Variants in AKAP13 observed in about 807,000 individuals in gnomAD.
The protein encoded by AKAP13 is A-kinase anchoring protein 13.
AKAP13 carries 80 observed loss-of-function variants against 264.5 expected under a neutral mutation model. The observed-to-expected ratio is 0.30, with a 90% CI of 0.25 to 0.36. AKAP13 has a LOEUF of 0.36. Ranked by LOEUF, AKAP13 falls within the 10% of genes least tolerant of loss-of-function variation. The pLI is 1.00. For synonymous variants in AKAP13, 1,380 were observed against 1,250.2 expected (o/e 1.10, Z -2.19); for missense variants, 3,712 against 3,435.2 (o/e 1.08, Z -2.01).
intron 17 of AKAP13, among the ~76,000 whole-genome samples, chr15:85,699,725 T>C (rs2085800280): frequency 6.6e-6 from 1 of 152,234 alleles, no homozygotes; most frequent in South Asian, 2.1e-4. Context: ...GATTTGAGAA[T>C]TTAATGGACA....
chr15:85,715,526 A>G (rs2086880929), intron 19 of AKAP13, among the ~76,000 whole-genome samples: 1 of 152,062 alleles, frequency 6.6e-6, no homozygotes, highest in African/African-American at 2.4e-5. Flanking sequence ...TGGAGTTTTT[A>G]TACAAACTTA....
intron 3 of AKAP13, among the ~76,000 whole-genome samples, chr15:85,531,818 A>T (rs1682601044): frequency 6.6e-6 from 1 of 152,168 alleles, no homozygotes; most frequent in Admixed American, 6.5e-5. Flanking sequence ...ATGGTTCATG[A>T]ACCAATTATT....
At chr15:85,491,525 A>ATATATTT (rs2075727272) in intron 2 of AKAP13, among the ~76,000 whole-genome samples, 1 of 146,494 alleles carries the variant, frequency 6.8e-6, no homozygotes, top group African/African-American at 2.5e-5. Flanking sequence ...TATATATATT[A>ATATATTT]TATATTTTAT....
chr15:85,433,898 G>A (rs1003259653), intron 1 of AKAP13, among the ~76,000 whole-genome samples: 14 of 151,728 alleles, frequency 9.2e-5, no homozygotes, highest in Admixed American at 3.9e-4. Flanking sequence ...CCGAGATTGT[G>A]CCATTGCACT....
rs539192886 is a variant in AKAP13 at position 85,420,240 on chromosome 15, CT to C, written c.-12+39453del. On this transcript the variant is annotated intron_variant, in intron 1 of 36. Coordinates refer to ENST00000394518, the MANE Select transcript of AKAP13 (RefSeq NM_007200.5). ...ACAGGCGTGAGCCACCGCGCCCGGCCTTTTTTTTTTTAATCTGACTCTTTTA... is the reference window on the plus strand; with the variant it reads ...ACAGGCGTGAGCCACCGCGCCCGGCCTTTTTTTTTTAATCTGACTCTTTTA... Among the ~76,000 whole-genome samples, 1,159 of 146,180 alleles carry C rather than the reference CT, an allele frequency of 7.9e-3. 7 individuals carry two copies. Among genetic ancestry groups the C allele is most frequent in the Non-Finnish European group, 0.013 (862 of 65,930 alleles).
intron 2 of AKAP13, among the ~76,000 whole-genome samples, chr15:85,500,941 C>T (rs2151091447): frequency 2.0e-5 from 3 of 152,218 alleles, no homozygotes; most frequent in Middle Eastern, 6.8e-3. Flanking sequence ...TTTGTTTTGT[C>T]CACAGAAGGA....
chr15:85,421,041 A>G lies in AKAP13; in HGVS notation c.-12+40243A>G, dbSNP rs368863900. On this transcript the variant is annotated intron_variant, in intron 1 of 36. Transcript: ENST00000394518. Reference sequence around the variant, plus strand: ...CCAATATATAGACTTTTATTAAACAAAGGTATAGATGGATGATGACTTAGA... The same window carrying G: ...CCAATATATAGACTTTTATTAAACAGAGGTATAGATGGATGATGACTTAGA... Among the ~76,000 whole-genome samples, 23 of 152,338 alleles carry G rather than the reference A, an allele frequency of 1.5e-4. No individual in the cohort carries two copies. In the East Asian group the frequency reaches 3.7e-3, roughly 24 times the overall value.
chr15:85,551,525 A>G (rs180874680), intron 5 of AKAP13, among the ~76,000 whole-genome samples: 3 of 152,356 alleles, frequency 2.0e-5, no homozygotes, highest in Non-Finnish European at 4.4e-5. Context: ...CTTTCTAAGA[A>G]GATGGGTAGG....
chr15:85,734,069 G>A (rs1326428841), intron 30 of AKAP13, among the ~76,000 whole-genome samples: 1 of 151,900 alleles, frequency 6.6e-6, no homozygotes, highest in African/African-American at 2.4e-5. Context: ...CTGACCTCAG[G>A]TGATCTGCCC....
At chr15:85,428,873 A>C (rs2072910641) in intron 1 of AKAP13, among the ~76,000 whole-genome samples, 1 of 152,220 alleles carries the variant, frequency 6.6e-6, no homozygotes, top group Non-Finnish European at 1.5e-5. Flanking sequence ...TTACCTTCTG[A>C]GTTTCCACCT....
chr15:85,633,134 G>A (rs2081920202), intron 8 of AKAP13, among the ~76,000 whole-genome samples: 1 of 152,128 alleles, frequency 6.6e-6, no homozygotes, highest in African/African-American at 2.4e-5. Context: ...CCAAAGTGCT[G>A]GGATTACAGG....
intron 14 of AKAP13, among the ~76,000 whole-genome samples, chr15:85,678,829 A>G (rs140197259): frequency 1.3e-5 from 2 of 152,126 alleles, no homozygotes; most frequent in Non-Finnish European, 2.9e-5. Context: ...AGATCATGCC[A>G]CTACACTCTA....
intron 1 of AKAP13, among the ~76,000 whole-genome samples, chr15:85,416,102 G>A (rs2072232869): frequency 6.6e-6 from 1 of 152,154 alleles, no homozygotes; most frequent in Non-Finnish European, 1.5e-5. Context: ...AAGGAGGGAA[G>A]GACATTCTAA....
At chr15:85,700,047 A>G (rs2085820093) in intron 17 of AKAP13, among the ~76,000 whole-genome samples, 1 of 152,226 alleles carries the variant, frequency 6.6e-6, no homozygotes. Context: ...TTCAGGCTAA[A>G]AGAAGTTGTC....
intron 16 of AKAP13, among the ~76,000 whole-genome samples, chr15:85,688,044 AAAAAAG>A (rs1187645448): frequency 5.3e-5 from 8 of 152,046 alleles, no homozygotes; most frequent in South Asian, 2.1e-4. Context: ...AAAAAAAAAA[AAAAAAG>A]AGAGAGAGAG....
At chr15:85,731,760 G>A (rs1366034311) in intron 30 of AKAP13, among the ~76,000 whole-genome samples, 1 of 152,024 alleles carries the variant, frequency 6.6e-6, no homozygotes, top group Non-Finnish European at 1.5e-5. Context: ...GTGACCCATA[G>A]TTTTTATTAT....
chr15:85,448,149 T>C (rs1048132374), intron 1 of AKAP13, among the ~76,000 whole-genome samples: 1 of 152,232 alleles, frequency 6.6e-6, no homozygotes, highest in African/African-American at 2.4e-5. Flanking sequence ...TTTCATATGC[T>C]TGTTGGCTAC....
intron 1 of AKAP13, among the ~76,000 whole-genome samples, chr15:85,439,975 A>C (rs1165691737): frequency 3.9e-5 from 4 of 102,370 alleles, no homozygotes; most frequent in Non-Finnish European, 1.1e-4. Flanking sequence ...TATAATAAAA[A>C]ATAATAATAA....
chr15:85,402,568 A>G (rs1296434575), intron 1 of AKAP13, among the ~76,000 whole-genome samples: 1 of 152,260 alleles, frequency 6.6e-6, no homozygotes, highest in Admixed American at 6.5e-5. Flanking sequence ...ATTAGAAATT[A>G]AAATACTTTT....
Sources: gnomAD v4.1 joint callset for allele counts (sites outside exome capture counted in the v4.1 genomes callset) on GRCh38, gnomAD v4.1.1 for gene constraint, MANE v1.5 for transcripts, NCBI Gene and HGNC (gene_info 2026-07-23, HGNC 2026-07-21) for gene names.